TGM6: variants seen among roughly 807,000 people sequenced by gnomAD.
The protein encoded by TGM6 is protein-glutamine gamma-glutamyltransferase 6.
A neutral mutation model predicts 77.5 loss-of-function variants in TGM6; 74 were observed. The ratio of observed to expected loss-of-function variants is 0.96; its 90% confidence interval spans 0.79 to 1.16. TGM6 has a LOEUF of 1.16. Ranked by LOEUF, TGM6 falls within the 50% of genes most tolerant of loss-of-function variation. The pLI, the probability that TGM6 is intolerant of heterozygous loss-of-function variation, is 0.00. For missense variants in TGM6, 968 were observed against 940.2 expected, an observed-to-expected ratio of 1.03 and a Z score of -0.39; for synonymous variants, 383 against 378.9, an observed-to-expected ratio of 1.01 and a Z score of -0.12.
chr20:2,393,519 C>T (rs1482147651), intron 1 of TGM6, among the ~76,000 whole-genome samples: 2 of 152,138 alleles, frequency 1.3e-5, no homozygotes, highest in Non-Finnish European at 2.9e-5. Context: ...AATGAATCAT[C>T]AATATATATT....
At position 2,396,706 on chromosome 20, in the gene TGM6, C is replaced by T. The variant is rs552214814; in HGVS notation, c.543+82C>T. The T allele has an allele frequency of 1.0e-3, 1,319 of 1,312,298 alleles. 1 individual carries two copies. Among genetic ancestry groups the T allele is most frequent in the Non-Finnish European group, 1.3e-3 (1,211 of 913,202 alleles). The allele number at this position is 1,312,298 out of a possible 1,614,324, so 81.3% of individuals were successfully genotyped here. A position where few individuals can be genotyped will look rare whatever the true frequency, so the allele number is the denominator to read the frequency against. Reference sequence around the variant, plus strand: ...GGACTGGAGTCCCTCTGTCTGCTCACTCTTCTCAGGAGGGACAAGGGGGGC... The same window carrying T: ...GGACTGGAGTCCCTCTGTCTGCTCATTCTTCTCAGGAGGGACAAGGGGGGC... On this transcript the variant is annotated intron_variant, in intron 4 of 12. Coordinates refer to ENST00000202625, the MANE Select transcript of TGM6 (RefSeq NM_198994.3).
At chr20:2,421,280 C>G (rs547589621) in intron 10 of TGM6, among the ~76,000 whole-genome samples, 1 of 152,164 alleles carries the variant, frequency 6.6e-6, no homozygotes, top group Admixed American at 6.5e-5. Flanking sequence ...CCGCCGTGCC[C>G]GGCTCGAATT....
chr20:2,396,554 T>A lies in TGM6; in HGVS notation c.473T>A (p.Leu158His). The A allele has an allele frequency of 6.2e-7, 1 of 1,614,210 alleles. No individual in the cohort carries two copies. Among genetic ancestry groups the A allele is most frequent in the Non-Finnish European group, 8.5e-7 (1 of 1,180,040 alleles). Residue 158 changes from leucine to histidine, a missense_variant, in exon 4 of 13, where the codon CTC (leucine) becomes CAC (histidine). Leu to His is a moderately conservative substitution (Grantham distance 99). Transcript: ENST00000202625. ...ASEEERQEYV[L>H]SDSGIIFRGV... The stretch of plus-strand genomic sequence containing the variant: ...GAGGAGGAGAGACAGGAGTACGTGC[T>A]CAGCGACAGCGGCATCATCTTCCGA...
chr20:2,395,748 C>T (rs1368508542), intron 3 of TGM6, among the ~76,000 whole-genome samples: 1 of 152,184 alleles, frequency 6.6e-6, no homozygotes, highest in African/African-American at 2.4e-5. Context: ...TCTCCATTTC[C>T]TCATCTGTAA....
intron 9 of TGM6, among the ~76,000 whole-genome samples, chr20:2,406,822 G>A (rs1434623164): frequency 7.6e-5 from 5 of 65,944 alleles, no homozygotes; most frequent in South Asian, 1.1e-3. Flanking sequence ...CAACAAGTGC[G>A]AAACTCCTCA....
chr20:2,385,234 T>A (rs1379104763), intron 1 of TGM6, among the ~76,000 whole-genome samples: 1 of 152,160 alleles, frequency 6.6e-6, no homozygotes, highest in Non-Finnish European at 1.5e-5. Flanking sequence ...GTGTTAAGGA[T>A]GCAGATGCCT....
chr20:2,385,884 G>A (rs1052978228), intron 1 of TGM6, among the ~76,000 whole-genome samples: 1 of 152,206 alleles, frequency 6.6e-6, no homozygotes, highest in Admixed American at 6.5e-5. Flanking sequence ...CCAGGGAGGG[G>A]GAGACTCAGC....
chr20:2,419,072 G>A (rs191295257), intron 10 of TGM6, among the ~76,000 whole-genome samples: 13 of 152,312 alleles, frequency 8.5e-5, no homozygotes, highest in Non-Finnish European at 1.9e-4. Context: ...TTTATTAAAT[G>A]TATCCTCTTT....
At chr20:2,412,290 C>T (rs748462752) in intron 9 of TGM6, among the ~76,000 whole-genome samples, 14 of 152,066 alleles carry the variant, frequency 9.2e-5, no homozygotes, top group African/African-American at 1.9e-4. Context: ...AGTAGCCAAA[C>T]TCATACAGAC....
rs878912863 is a variant in TGM6, at chr20:2,396,692, C to T, written c.543+68C>T. On this transcript the variant is annotated intron_variant, in intron 4 of 12. Coordinates refer to ENST00000202625, the MANE Select transcript of TGM6 (RefSeq NM_198994.3). ...TGGGGAGGTCGGTGGGACTGGAGTC[C>T]CTCTGTCTGCTCACTCTTCTCAGGA... 10 of 1,423,186 alleles carry T rather than the reference C, an allele frequency of 7.0e-6. No homozygotes were observed. In the South Asian group the frequency reaches 1.0e-4, roughly 15 times the overall value. 88.2% of individuals were successfully genotyped at this position (1,423,186 alleles called of 1,614,324 possible). A position where few individuals can be genotyped will look rare whatever the true frequency, so the allele number is the denominator to read the frequency against.
intron 1 of TGM6, among the ~76,000 whole-genome samples, chr20:2,392,682 C>T (rs537375953): frequency 3.3e-5 from 5 of 152,256 alleles, no homozygotes; most frequent in African/African-American, 7.2e-5. Context: ...GAGGCCAAGG[C>T]GGACAGATTG....
At chr20:2,402,463 G>T (rs542535334) in intron 7 of TGM6, among the ~76,000 whole-genome samples, 1 of 151,992 alleles carries the variant, frequency 6.6e-6, no homozygotes, top group Non-Finnish European at 1.5e-5. Flanking sequence ...CAAAATACTC[G>T]CATTCTTCTC....
rs2084726634 is a variant in TGM6, at chr20:2,403,519, G to A, written c.1093+19G>A. On this transcript the variant is annotated intron_variant, in intron 8 of 12. Coordinates refer to ENST00000202625, the MANE Select transcript of TGM6 (RefSeq NM_198994.3). The stretch of plus-strand genomic sequence containing the variant: ...AGTGAAGGTACGCTCAATTGGGTGG[G>A]GTAAGTTCCAGACCCCTGCTTTTCC... 1 of 1,614,124 alleles carries A rather than the reference G, an allele frequency of 6.2e-7. No individual in the cohort carries two copies. Among genetic ancestry groups the A allele is most frequent in the Middle Eastern group, 1.6e-4 (1 of 6,062 alleles).
At chr20:2,402,515 G>C (rs998426162) in intron 7 of TGM6, among the ~76,000 whole-genome samples, 2 of 152,024 alleles carry the variant, frequency 1.3e-5, no homozygotes, top group African/African-American at 4.8e-5. Flanking sequence ...TTTTGATGTT[G>C]GGGACTCTGT....
chr20:2,395,314 T>C lies in TGM6; in HGVS notation c.302T>C (p.Leu101Pro). The change falls in exon 3 of 13, where the codon CTC becomes CCC. Residue 101 changes from leucine to proline, a missense_variant. Transcript: ENST00000202625. The part of the protein sequence containing the change: ...AQMEKTLTVS[L>P]ASPPSAVIGR... ...ATGGAGAAAACTCTGACCGTCAGTCTCGCCAGCCCTCCCAGTGCTGTCATT... is the reference window on the plus strand; with the variant it reads ...ATGGAGAAAACTCTGACCGTCAGTCCCGCCAGCCCTCCCAGTGCTGTCATT... 1 of 1,614,188 alleles carries C rather than the reference T, an allele frequency of 6.2e-7. No homozygotes were observed. The highest frequency in any genetic ancestry group is 8.5e-7 in the Non-Finnish European group (1 of 1,180,026).
intron 1 of TGM6, among the ~76,000 whole-genome samples, chr20:2,393,847 G>C (rs2084644205): frequency 6.6e-6 from 1 of 152,144 alleles, no homozygotes; most frequent in South Asian, 2.1e-4. Context: ...TCTTTAAACA[G>C]AAACGCACAT....
intron 1 of TGM6, among the ~76,000 whole-genome samples, chr20:2,391,045 G>GA (rs2084626154): frequency 1.3e-5 from 2 of 151,906 alleles, no homozygotes; most frequent in East Asian, 3.9e-4. Flanking sequence ...AGAGAGACAG[G>GA]AACCAATGGA....
chr20:2,419,410 A>ATT (rs1481564807), intron 10 of TGM6, among the ~76,000 whole-genome samples: 1 of 152,086 alleles, frequency 6.6e-6, no homozygotes, highest in Non-Finnish European at 1.5e-5. Context: ...TTTGTCATTT[A>ATT]TTTTTCACAA....
rs185565207 is a variant in TGM6, at chr20:2,423,078, A to G, written c.1678+5505A>G. Among the ~76,000 whole-genome samples the G allele has an allele frequency of 6.7e-5, 10 of 148,884 alleles. No homozygotes were observed. The Admixed American group carries it at 6.7e-4, about 10-fold the overall frequency. ...TAAAGCAGTGGCAGGGTTTGACAGG[A>G]TTGACTCCAAGTTTGAAAGAAGTTC... On this transcript the variant is annotated intron_variant, in intron 10 of 12. Coordinates refer to ENST00000202625, the MANE Select transcript of TGM6 (RefSeq NM_198994.3).
Sources: allele counts gnomAD v4.1 joint callset (sites outside exome capture counted in the v4.1 genomes callset), GRCh38; gene constraint gnomAD v4.1.1; transcripts MANE v1.5; gene names NCBI Gene and HGNC (gene_info 2026-07-23, HGNC 2026-07-21).